The following DYRK1B variants were observed in gnomAD, a reference collection of about 807,000 sequenced individuals.
The protein encoded by DYRK1B is dual specificity tyrosine-phosphorylation-regulated kinase 1B.
Under a neutral mutation model 57.1 loss-of-function variants are expected in DYRK1B, and 20 were observed. The ratio of observed to expected loss-of-function variants is 0.35; its 90% CI spans 0.25 to 0.51. The LOEUF is 0.51. Among genes scored for constraint, DYRK1B ranks in the 20% least tolerant of loss-of-function variants. DYRK1B has a pLI of 0.96. For missense variants in DYRK1B, 732 were observed against 886.3 expected (o/e 0.83, Z 2.21); for synonymous variants, 409 against 384.7 (o/e 1.06, Z -0.74).
In DYRK1B at chr19:39,826,640, G is replaced by A. The variant is rs199760070; in HGVS notation, c.1411+32C>T. 99 of 1,555,792 alleles carry A rather than the reference G, an allele frequency of 6.4e-5. No homozygotes were observed. The African/African-American group carries it at 7.3e-4, about 11-fold the overall frequency. On this transcript the variant is annotated intron_variant, in intron 9 of 10. Transcript: ENST00000323039. The surrounding 1 kb of genome is among the most constrained non-coding windows in gnomAD (Gnocchi z 6.3). ...GGCCAAACCTGAGCAGCCCCCACCC[G>A]TTGTACCCCATTTGGGCACCTGGGC...
chr19:39,827,014 G>GGGGGGCCC, intron 8 of DYRK1B, 27 bp from the exon 9 acceptor site: 1 of 419,606 alleles, frequency 2.4e-6, no homozygotes, highest in Non-Finnish European at 4.3e-6. Flanking sequence ...GGGAGGGGGG[G>GGGGGGCCC]CAAGAGAGTG....
chr19:39,830,745 G>A lies in DYRK1B; in HGVS notation c.102C>T (p.Pro34=). ...CTGAGGTTGCATCCCGGAAGGCCAGGGGCAGCCTCCGAGGCAGTAGCCGCA... is the reference window on the plus strand; with the variant it reads ...CTGAGGTTGCATCCCGGAAGGCCAGAGGCAGCCTCCGAGGCAGTAGCCGCA... ...PDVRLLPRRL[P]LAFRDATSAP... The change falls in exon 3 of 11, where the codon CCC becomes CCT. Residue 34 remains proline, a synonymous_variant. Coordinates refer to ENST00000323039, the MANE Select transcript of DYRK1B (RefSeq NM_004714.3). 3 of 1,614,076 alleles carry A rather than the reference G, an allele frequency of 1.9e-6. No individual in the cohort carries two copies. Among genetic ancestry groups the A allele is most frequent in the South Asian group, 1.1e-5 (1 of 91,058 alleles).
chr19:39,832,687 G>A (rs1034897912), intron 1 of DYRK1B, among the ~76,000 whole-genome samples: 1 of 151,986 alleles, frequency 6.6e-6, no homozygotes, highest in African/African-American at 2.4e-5. Flanking sequence ...TTTCCTAGGG[G>A]ACCCTCTCCA....
intron 2 of DYRK1B, among the ~76,000 whole-genome samples, chr19:39,831,415 T>G (rs1289006446): frequency 8.6e-6 from 1 of 116,448 alleles, no homozygotes; most frequent in Non-Finnish European, 1.8e-5. Context: ...GATCTTTCAC[T>G]CTGAACTTTT....
At chr19:39,832,851 C>T (rs1440760154) in intron 1 of DYRK1B, 13 of 948,382 alleles carry the variant, frequency 1.4e-5, no homozygotes, top group African/African-American at 3.5e-5. Context: ...GCCCACTCCT[C>T]CTGATGGGAG....
chr19:39,830,983 C>T (rs1402364028), intron 2 of DYRK1B, among the ~76,000 whole-genome samples, 200 bp from the exon 3 acceptor site: 1 of 152,230 alleles, frequency 6.6e-6, no homozygotes, highest in African/African-American at 2.4e-5. Flanking sequence ...CAGGGCCTGG[C>T]ACACAATGGA....
intron 1 of DYRK1B, chr19:39,833,323 T>G: frequency 3.0e-6 from 3 of 985,166 alleles, no homozygotes; most frequent in Non-Finnish European, 3.6e-6. Flanking sequence ...GGGCCCCCAG[T>G]GGGGTGGGCG....
In DYRK1B at chr19:39,825,946, TG is replaced by T; in HGVS notation, c.1658del (p.Pro553HisfsTer11). ...PPQPRYLGRP[P>X]SPTSPPPPEL... Reference sequence around the variant, plus strand: ...CCGGGGGTGGTGGTGAGGTTGGTGATGGGGGACGACCAAGGTATCGGGGCTG... The same window carrying T: ...CCGGGGGTGGTGGTGAGGTTGGTGATGGGGACGACCAAGGTATCGGGGCTG... On this transcript the variant is annotated frameshift_variant, in exon 11 of 11. Transcript: ENST00000323039. LOFTEE classifies it high-confidence loss of function. 1 of 1,467,504 alleles carries T rather than the reference TG, an allele frequency of 6.8e-7. No homozygotes were observed. 90.9% of individuals were successfully genotyped at this position (1,467,504 alleles called of 1,614,324 possible).
rs1968479232 is a variant in DYRK1B, at chr19:39,825,421, C to G, written c.*294G>C. 5.0e-6 allele frequency: 2 copies of G among 403,894 alleles called. No homozygotes were observed. The highest frequency in any genetic ancestry group is 8.9e-6 in the Non-Finnish European group (2 of 223,636). The allele number at this position is 403,894 out of a possible 1,614,324, so 25.0% of individuals were successfully genotyped here. On this transcript the variant is annotated 3_prime_UTR_variant, in exon 11 of 11. Transcript: ENST00000323039. ...ATCTCCCCCTACCTGCCCCCACCCC[C>G]TCCTAGGGTCCTGGGGTGAGGGGGG... is the stretch of plus-strand genomic sequence containing the variant.
chr19:39,833,490 G>A (rs1343461626), intron 1 of DYRK1B: 2 of 302,702 alleles, frequency 6.6e-6, no homozygotes, highest in Non-Finnish European at 9.7e-6. Context: ...AGGGGACAAG[G>A]GTCAGCCCAG....
In DYRK1B at chr19:39,826,529, G is replaced by C; in HGVS notation, c.1411+143C>G. On this transcript the variant is annotated intron_variant, in intron 9 of 10. Coordinates refer to ENST00000323039, the MANE Select transcript of DYRK1B (RefSeq NM_004714.3). This position sits in a 1 kb window ranked among gnomAD's most constrained non-coding sequence, Gnocchi z 6.3. ...AGTGATTGTGTCAGGGCCAGTTGGA[G>C]CTCTCCCATCCCACACGTCATCTTA... The C allele has an allele frequency of 2.9e-6, 3 of 1,030,618 alleles. No homozygotes were observed. The highest frequency in any genetic ancestry group is 4.0e-6 in the Non-Finnish European group (3 of 744,048). The allele number at this position is 1,030,618 out of a possible 1,614,324, so 63.8% of individuals were successfully genotyped here. A position where few individuals can be genotyped will look rare whatever the true frequency, so the allele number is the denominator to read the frequency against.
chr19:39,829,995 C>A lies in DYRK1B; in HGVS notation c.405G>T (p.Glu135Asp). 2 of 1,614,054 alleles carry A rather than the reference C, an allele frequency of 1.2e-6. No individual in the cohort carries two copies. Among genetic ancestry groups the A allele is most frequent in the Non-Finnish European group, 1.7e-6 (2 of 1,180,002 alleles). The stretch of plus-strand genomic sequence containing the variant: ...TCTTGATGATCTTGATGGCCACAAG[C>A]TCCTGGGTCTGATGATCATAGGCTT... ...VVKAYDHQTQ[E>D]LVAIKIIKNK... The change falls in exon 5 of 11, where the codon GAG (glutamate) becomes GAT (aspartate). Residue 135 changes from glutamate to aspartate, a missense_variant. Transcript: ENST00000323039.
chr19:39,826,524 T>C lies in DYRK1B; in HGVS notation c.1411+148A>G. 3 of 1,012,174 alleles carry C rather than the reference T, an allele frequency of 3.0e-6. No homozygotes were observed. The highest frequency in any genetic ancestry group is 4.1e-6 in the Non-Finnish European group (3 of 728,018). The allele number at this position is 1,012,174 out of a possible 1,614,324, so 62.7% of individuals were successfully genotyped here. ...ATTTCAGTGATTGTGTCAGGGCCAG[T>C]TGGAGCTCTCCCATCCCACACGTCA... On this transcript the variant is annotated intron_variant, in intron 9 of 10. Transcript: ENST00000323039. This position sits in a 1 kb window ranked among gnomAD's most constrained non-coding sequence, Gnocchi z 6.3.
At chr19:39,831,734 T>C (rs1968820410) in intron 2 of DYRK1B, 71 bp downstream of exon 2, 1 of 1,535,060 alleles carries the variant, frequency 6.5e-7, no homozygotes, top group East Asian at 2.5e-5. Flanking sequence ...CACTACCTTT[T>C]GGTCTGGAGA....
Position 39,826,919 on chromosome 19 carries a change from GC to G in DYRK1B, c.1163del (p.Gly388AlafsTer115), listed in dbSNP as rs1467901625. The G allele has an allele frequency of 9.1e-6, 11 of 1,213,346 alleles. No homozygotes were observed. Among genetic ancestry groups the G allele is most frequent in the Admixed American group, 8.9e-5 (2 of 22,382 alleles). The allele number at this position is 1,213,346 out of a possible 1,614,324, so 75.2% of individuals were successfully genotyped here. A position where few individuals can be genotyped will look rare whatever the true frequency, so the allele number is the denominator to read the frequency against. ...VLGVQTGGPG[G>X]RRAGEPGHSP... The stretch of plus-strand genomic sequence containing the variant: ...TGTGGCCCGGCTCCCCCGCCCGCCG[GC>G]CCCCGGGCCCGCCCGTCTGCACGCC... On this transcript the variant is annotated frameshift_variant, in exon 9 of 11. Coordinates refer to ENST00000323039, the MANE Select transcript of DYRK1B (RefSeq NM_004714.3). LOFTEE classifies it high-confidence loss of function. The surrounding 1 kb of genome is among the most constrained non-coding windows in gnomAD (Gnocchi z 6.3).
At chr19:39,827,014 G>GGGCCC in intron 8 of DYRK1B, 27 bp from the exon 9 acceptor site, 1 of 419,604 alleles carries the variant, frequency 2.4e-6, no homozygotes, top group Non-Finnish European at 4.3e-6. Context: ...GGGAGGGGGG[G>GGGCCC]CAAGAGAGTG....
At chr19:39,829,166 C>T (rs1453549369) in intron 5 of DYRK1B, among the ~76,000 whole-genome samples, 2 of 148,080 alleles carry the variant, frequency 1.4e-5, no homozygotes, top group East Asian at 2.0e-4. Flanking sequence ...TTCCTTTCTT[C>T]GTTTTTTTTT....
At chr19:39,829,594 T>C in intron 5 of DYRK1B, 1 of 302,872 alleles carries the variant, frequency 3.3e-6, no homozygotes, top group Non-Finnish European at 6.0e-6. Context: ...CAAGATGTTG[T>C]TAATAATGCC....
In DYRK1B at chr19:39,826,108, G is replaced by A; in HGVS notation, c.1519-22C>T. 6.5e-7 allele frequency: 1 copy of A among 1,542,010 alleles called. No homozygotes were observed. The highest frequency in any genetic ancestry group is 1.3e-5 in the South Asian group (1 of 78,042). ...GGACCTAAAAAAGCAAAGGAGCCAT[G>A]GGTGATGGAGACCCTGGTCTCTAAG... is the stretch of plus-strand genomic sequence containing the variant. On this transcript the variant is annotated intron_variant, in intron 10 of 10. Transcript: ENST00000323039. The surrounding 1 kb of genome is among the most constrained non-coding windows in gnomAD (Gnocchi z 6.3).
Sources: gnomAD v4.1 joint callset for allele counts (sites outside exome capture counted in the v4.1 genomes callset) on GRCh38, gnomAD v4.1.1 for gene constraint, Gnocchi (gnomAD v3.1) non-coding constraint, MANE v1.5 for transcripts, NCBI Gene and HGNC (gene_info 2026-07-23, HGNC 2026-07-21) for gene names.